The following GP6 variants were observed in gnomAD, a reference collection of about 807,000 sequenced individuals.
GP6 encodes glycoprotein VI platelet, also known as platelet glycoprotein VI.
A neutral mutation model predicts 37.3 loss-of-function variants in GP6; 45 were observed. The observed-to-expected ratio is 1.21, with a 90% CI of 0.95 to 1.55. The LOEUF (loss-of-function observed/expected upper bound fraction) is 1.55, where lower values mean the gene tolerates loss of function less well. Among genes scored for constraint, GP6 ranks in the 40% most tolerant of loss-of-function variants. The pLI is 0.00. For synonymous variants in GP6, 340 were observed against 316.4 expected (o/e 1.07, Z -0.79); for missense variants, 813 against 760.2 (o/e 1.07, Z -0.82).
rs147825427 is a variant in GP6, at chr19:55,025,858, T to C, written c.611-587A>G. Among the ~76,000 whole-genome samples, 453 of 151,108 alleles carry C rather than the reference T, an allele frequency of 3.0e-3. 8 individuals are homozygous for C. The highest frequency in any genetic ancestry group is 0.011 in the African/African-American group (439 of 41,032). ...CTCTACGAAAAATACAAAAATTAGC[T>C]GGGCATGATGGCAGGTGCCTGTAAT... On this transcript the variant is annotated intron_variant, in intron 4 of 7. Transcript: ENST00000310373.
At position 55,014,377 on chromosome 19, in the gene GP6, C is replaced by T. The variant is rs768061284; in HGVS notation, c.1568G>A (p.Ser523Asn). 5.0e-6 allele frequency: 8 copies of T among 1,613,616 alleles called. No homozygotes were observed. The highest frequency in any genetic ancestry group is 1.6e-4 in the Middle Eastern group (1 of 6,082). Reference sequence around the variant, plus strand: ...AAGCGGGCAACGTGCTAGTTTTACACTAAGGAAAATGAATGACATACCCAA... The same window carrying T: ...AAGCGGGCAACGTGCTAGTTTTACATTAAGGAAAATGAATGACATACCCAA... The change falls in exon 8 of 8, where the codon AGT (serine) becomes AAT (asparagine). Residue 523 changes from serine to asparagine, a missense_variant. Ser to Asn is a conservative substitution (Grantham distance 46, BLOSUM62 1). Transcript: ENST00000310373.
At chr19:55,018,416 T>C (rs1179173220) in intron 6 of GP6, among the ~76,000 whole-genome samples, 1 of 152,198 alleles carries the variant, frequency 6.6e-6, no homozygotes, top group Non-Finnish European at 1.5e-5. Flanking sequence ...ATGGCGGTCG[T>C]CCCGCCACAG....
intron 1 of GP6, among the ~76,000 whole-genome samples, chr19:55,037,438 A>C (rs918964206): frequency 1.3e-5 from 2 of 151,510 alleles, no homozygotes; most frequent in African/African-American, 4.9e-5. Flanking sequence ...CCCAGGTTCA[A>C]GCGATTCTCC....
At position 55,038,186 on chromosome 19, in the gene GP6, T is replaced by A. The variant is rs1235980936; in HGVS notation, c.34+17A>T. On this transcript the variant is annotated intron_variant, in intron 1 of 7. Coordinates refer to ENST00000310373, the MANE Select transcript of GP6 (RefSeq NM_001083899.2). ...CCTGTCCTTCAGCATTTCCCAGATC[T>A]GACCCTCAGGACTCACCAAGACAGA... 6.3e-7 allele frequency: 1 copy of A among 1,579,146 alleles called. No individual in the cohort carries two copies. The highest frequency in any genetic ancestry group is 1.8e-5 in the Admixed American group (1 of 56,010).
chr19:55,015,126 C>A lies in GP6; in HGVS notation c.819G>T (p.Pro273=). The A allele has an allele frequency of 6.3e-7, 1 of 1,579,126 alleles. No homozygotes were observed. The highest frequency in any genetic ancestry group is 8.6e-7 in the Non-Finnish European group (1 of 1,162,266). Reference sequence around the variant, plus strand: ...TAGGATCACAGCCCCGAGGCATATCCGGACCAGGTTGCCCTTGGTGTAGTA... The same window carrying A: ...TAGGATCACAGCCCCGAGGCATATCAGGACCAGGTTGCCCTTGGTGTAGTA... Residue 273 remains proline, a synonymous_variant, in exon 8 of 8, where the codon CCG becomes CCT. Coordinates refer to ENST00000310373, the MANE Select transcript of GP6 (RefSeq NM_001083899.2).
At chr19:55,023,693 A>G (rs1286365280) in intron 5 of GP6, among the ~76,000 whole-genome samples, 1 of 152,198 alleles carries the variant, frequency 6.6e-6, no homozygotes, top group Non-Finnish European at 1.5e-5. Flanking sequence ...TCAATGATCC[A>G]GTCTCAGATA....
chr19:55,033,273 TCG>T (rs2074671700), intron 1 of GP6, among the ~76,000 whole-genome samples: 1 of 87,662 alleles, frequency 1.1e-5, no homozygotes, highest in Non-Finnish European at 2.3e-5. Flanking sequence ...CACGGTGGAC[TCG>T]TTCGTGTTAG....
At chr19:55,018,512 C>T in intron 6 of GP6, 140 bp downstream of exon 6, 1 of 764,888 alleles carries the variant, frequency 1.3e-6, no homozygotes, top group Non-Finnish European at 2.4e-6. Context: ...CACCCATGCT[C>T]TAGCCTCACA....
rs768916446 is a variant in GP6 at position 55,014,253 on chromosome 19, A to C, written c.1692T>G (p.Gly564=). The C allele has an allele frequency of 2.0e-6, 2 of 1,023,492 alleles. No homozygotes were observed. The highest frequency in any genetic ancestry group is 3.4e-5 in the Admixed American group (2 of 58,578). 63.4% of individuals were successfully genotyped at this position (1,023,492 alleles called of 1,614,324 possible). A position where few individuals can be genotyped will look rare whatever the true frequency, so the allele number is the denominator to read the frequency against. Reference sequence around the variant, plus strand: ...TGAGTTGCTGGGAGTATAGGGATGCACCACCACACCTGGCTAATTTTTGTG... The same window carrying C: ...TGAGTTGCTGGGAGTATAGGGATGCCCCACCACACCTGGCTAATTTTTGTG... Residue 564 remains glycine (G), a synonymous_variant, in exon 8 of 8, where the codon GGT becomes GGG. Coordinates refer to ENST00000310373, the MANE Select transcript of GP6 (RefSeq NM_001083899.2).
rs528906388 is a variant in GP6 at position 55,036,021 on chromosome 19, C to T, written c.34+2182G>A. Among the ~76,000 whole-genome samples, 22 of 149,990 alleles carry T rather than the reference C, an allele frequency of 1.5e-4. No individual in the cohort carries two copies. The South Asian group carries it at 4.4e-3, about 30-fold the overall frequency. On this transcript the variant is annotated intron_variant, in intron 1 of 7. Coordinates refer to ENST00000310373, the MANE Select transcript of GP6 (RefSeq NM_001083899.2). ...CCGGGAGGTGGAGTTTGCAGTAAGC[C>T]GAGATCACACCACTGCACTCCAGCC...
chr19:55,014,758 C>A lies in GP6; in HGVS notation c.1187G>T (p.Gly396Val). 1 of 1,613,812 alleles carries A rather than the reference C, an allele frequency of 6.2e-7. No individual in the cohort carries two copies. The highest frequency in any genetic ancestry group is 8.5e-7 in the Non-Finnish European group (1 of 1,179,918). ...AGGCAGACAGACAGACAGACACTGG[C>A]CGAACGGCTCCCTGATGGAACACCA... The change falls in exon 8 of 8, where the codon GGC becomes GTC. Residue 396 changes from glycine to valine, a missense_variant. Gly to Val is a moderately radical substitution (Grantham distance 109). Coordinates refer to ENST00000310373, the MANE Select transcript of GP6 (RefSeq NM_001083899.2).
At chr19:55,026,266 T>G (rs2074299191) in intron 4 of GP6, among the ~76,000 whole-genome samples, 1 of 152,216 alleles carries the variant, frequency 6.6e-6, no homozygotes, top group Admixed American at 6.5e-5. Context: ...CACATTGTGG[T>G]ACAATATGTT....
At chr19:55,037,149 G>A (rs2074860906) in intron 1 of GP6, among the ~76,000 whole-genome samples, 1 of 152,110 alleles carries the variant, frequency 6.6e-6, no homozygotes, top group African/African-American at 2.4e-5. Context: ...TGGAGATGCT[G>A]TCCCTTTAGT....
rs972293396 is a variant in GP6 at position 55,014,677 on chromosome 19, G to A, written c.1268C>T (p.Pro423Leu). The A allele has an allele frequency of 6.2e-7, 1 of 1,613,678 alleles. No homozygotes were observed. The highest frequency in any genetic ancestry group is 1.3e-5 in the African/African-American group (1 of 74,898). ...TGTCATCCACAGTGTGCAGGGAGGA[G>A]GATGGGGTCTCCACAGATTCCTTCC... Residue 423 changes from proline (P) to leucine (L), a missense_variant, in exon 8 of 8, where the codon CCT becomes CTT. By Grantham distance (98) the Pro-to-Leu change is moderately conservative (BLOSUM62 -3). Transcript: ENST00000310373.
intron 5 of GP6, among the ~76,000 whole-genome samples, chr19:55,019,677 T>C (rs1025105736): frequency 7.8e-6 from 1 of 127,644 alleles, no homozygotes; most frequent in Non-Finnish European, 1.7e-5. Context: ...TTTCTTTTTT[T>C]CTTTTTTTTT....
rs79436628 is a variant in GP6, at chr19:55,018,283, T to C, written c.724+369A>G. Among the ~76,000 whole-genome samples the C allele has an allele frequency of 7.5e-3, 1,136 of 152,278 alleles. 12 individuals carry two copies. The highest frequency in any genetic ancestry group is 0.026 in the African/African-American group (1,096 of 41,544). Reference sequence around the variant, plus strand: ...GGTTAGAAGATGTGCTGTGTCCAGGTGCCTACAGTCTGTGTGCGTCCGAGC... The same window carrying C: ...GGTTAGAAGATGTGCTGTGTCCAGGCGCCTACAGTCTGTGTGCGTCCGAGC... On this transcript the variant is annotated intron_variant, in intron 6 of 7. Transcript: ENST00000310373.
At position 55,027,815 on chromosome 19, in the gene GP6, A is replaced by T. The variant is rs1475605007; in HGVS notation, c.373T>A (p.Ser125Thr). The change falls in exon 4 of 8, where the codon TCG becomes ACG. Residue 125 changes from serine (S) to threonine (T), a missense_variant. By Grantham distance (58) the Ser-to-Thr change is moderately conservative. Coordinates refer to ENST00000310373, the MANE Select transcript of GP6 (RefSeq NM_001083899.2). ...TGTAGGGTTACGTCCCCTCCTGACG[A>T]CACCGCCGGGCCGGGCTGGGCTGAG... 1 of 1,614,098 alleles carries T rather than the reference A, an allele frequency of 6.2e-7. No individual in the cohort carries two copies. Among genetic ancestry groups the T allele is most frequent in the Admixed American group, 1.7e-5 (1 of 60,016 alleles).
At chr19:55,030,958 C>G (rs1461662229) in intron 3 of GP6, among the ~76,000 whole-genome samples, 2 of 152,148 alleles carry the variant, frequency 1.3e-5, no homozygotes, top group Non-Finnish European at 2.9e-5. Flanking sequence ...AAGCGATCCT[C>G]CTGCCTCAGC....
chr19:55,027,675 G>C lies in GP6; in HGVS notation c.513C>G (p.Thr171=). 1.9e-6 allele frequency: 3 copies of C among 1,612,280 alleles called. No homozygotes were observed. The highest frequency in any genetic ancestry group is 2.5e-6 in the Non-Finnish European group (3 of 1,178,278). Residue 171 remains threonine (T), a synonymous_variant, in exon 4 of 8, where the codon ACC becomes ACG. Coordinates refer to ENST00000310373, the MANE Select transcript of GP6 (RefSeq NM_001083899.2). ...ATCGGTAGGTTCCGCTGTGGGCGGC[G>C]GTCACCGTGATGATGGGAAAACTAG... is the stretch of plus-strand genomic sequence containing the variant.
Sources: allele counts gnomAD v4.1 joint callset (sites outside exome capture counted in the v4.1 genomes callset), GRCh38; gene constraint gnomAD v4.1.1; transcripts MANE v1.5; gene names NCBI Gene and HGNC (gene_info 2026-07-23, HGNC 2026-07-21).